MYO1D: variants seen among roughly 807,000 people sequenced by gnomAD.
MYO1D encodes the protein unconventional myosin-Id.
A neutral mutation model predicts 122.0 loss-of-function variants in MYO1D; 83 were observed. The ratio of observed to expected loss-of-function variants is 0.68; its 90% CI spans 0.57 to 0.82. The LOEUF is 0.82. MYO1D is among the 40% of genes least tolerant of loss of function. The pLI is 0.00. For synonymous variants in MYO1D, 464 were observed against 446.9 expected (o/e 1.04, Z -0.48); for missense variants, 1,157 against 1,269.5 (o/e 0.91, Z 1.35).
intron 1 of MYO1D, among the ~76,000 whole-genome samples, chr17:32,821,757 GAA>G (rs1360026066): frequency 3.3e-5 from 5 of 152,198 alleles, no homozygotes; most frequent in Admixed American, 6.5e-5. Context: ...AAAAGTGAAA[GAA>G]AGAGACAAAA....
chr17:32,665,048 G>A (rs1002540877), intron 16 of MYO1D, among the ~76,000 whole-genome samples: 5 of 152,122 alleles, frequency 3.3e-5, no homozygotes, highest in Non-Finnish European at 7.4e-5. Context: ...TTGTCTCAGG[G>A]CTTTTGTGCT....
At chr17:32,617,699 C>T (rs548632622) in intron 20 of MYO1D, among the ~76,000 whole-genome samples, 55 of 152,290 alleles carry the variant, frequency 3.6e-4, no homozygotes, top group African/African-American at 1.3e-3. Context: ...CTTCAGCCTC[C>T]CAAAGTGCTG....
At chr17:32,780,962 T>C (rs1046670967) in intron 1 of MYO1D, among the ~76,000 whole-genome samples, 178 bp from the exon 2 acceptor site, 1 of 152,174 alleles carries the variant, frequency 6.6e-6, no homozygotes, top group South Asian at 2.1e-4. Context: ...CCCCTTCAGA[T>C]GCCATTGGTA....
intron 1 of MYO1D, among the ~76,000 whole-genome samples, chr17:32,787,074 A>C (rs1189269133): frequency 6.6e-6 from 1 of 152,078 alleles, no homozygotes; most frequent in Non-Finnish European, 1.5e-5. Context: ...TAAAAGGAGA[A>C]ATTGTGTTTA....
At chr17:32,777,741 C>T (rs753670712) in intron 3 of MYO1D, among the ~76,000 whole-genome samples, 2 of 151,528 alleles carry the variant, frequency 1.3e-5, no homozygotes, top group Non-Finnish European at 2.9e-5. Context: ...GTCAGGAGAT[C>T]GAGACCACAG....
intron 21 of MYO1D, among the ~76,000 whole-genome samples, chr17:32,577,423 C>T (rs1331192059): frequency 6.6e-6 from 1 of 152,160 alleles, no homozygotes; most frequent in African/African-American, 2.4e-5. Flanking sequence ...TGAGCCACCA[C>T]ACCCTGCCAG....
chr17:32,627,790 T>A (rs1239362773), intron 20 of MYO1D: 2 of 152,136 alleles, frequency 1.3e-5, no homozygotes, highest in Non-Finnish European at 2.9e-5. Context: ...TAAGAAGAAT[T>A]CTAGCTGAGG....
At chr17:32,522,918 G>A (rs1023856159) in intron 21 of MYO1D, among the ~76,000 whole-genome samples, 4 of 150,028 alleles carry the variant, frequency 2.7e-5, no homozygotes, top group African/African-American at 7.5e-5. Flanking sequence ...CTGGGTTCAC[G>A]CCATTCTCCT....
chr17:32,817,852 C>T (rs1253135595), intron 1 of MYO1D, among the ~76,000 whole-genome samples: 1 of 152,080 alleles, frequency 6.6e-6, no homozygotes, highest in Non-Finnish European at 1.5e-5. Context: ...AGGGGCCGGG[C>T]GCGGTGGCTC....
rs551903751 is a variant in MYO1D, at chr17:32,669,901, T to C, written c.2122-10563A>G. Among the ~76,000 whole-genome samples, 238 of 149,474 alleles carry C rather than the reference T, an allele frequency of 1.6e-3. 4 individuals are homozygous for C. In the East Asian group the frequency reaches 0.021, roughly 13 times the overall value. On this transcript the variant is annotated intron_variant, in intron 16 of 21. Transcript: ENST00000318217. ...GGAAAGACATTTTCTTTTTCTTTTT[T>C]CTTTTTTTTCAGGTGGAGTCTCACT...
chr17:32,694,066 A>C (rs1417501071), intron 16 of MYO1D, among the ~76,000 whole-genome samples: 1 of 152,216 alleles, frequency 6.6e-6, no homozygotes, highest in African/African-American at 2.4e-5. Flanking sequence ...TAGTAATGCT[A>C]TTCTAATAGC....
chr17:32,827,596 T>A (rs574729195), intron 1 of MYO1D, among the ~76,000 whole-genome samples: 18 of 152,342 alleles, frequency 1.2e-4, no homozygotes, highest in African/African-American at 3.8e-4. Context: ...ATAAAAAAAT[T>A]AATAAGCATT....
Position 32,712,095 on chromosome 17 carries a change from C to T in MYO1D, c.2014G>A (p.Val672Ile). 1 of 1,614,132 alleles carries T rather than the reference C, an allele frequency of 6.2e-7. No individual in the cohort carries two copies. Among genetic ancestry groups the T allele is most frequent in the Non-Finnish European group, 8.5e-7 (1 of 1,180,006 alleles). The change falls in exon 16 of 22, where the codon GTA becomes ATA. Residue 672 changes from valine to isoleucine, a missense_variant. By Grantham distance (29) the Val-to-Ile change is conservative. Coordinates refer to ENST00000318217, the MANE Select transcript of MYO1D (RefSeq NM_015194.3). The part of the protein sequence containing the change: ...LIERCGFQDD[V>I]AYGKTKIFIR... ...AAAATTTTGGTCTTCCCATAAGCTA[C>T]ATCATCCTGAAAACCACACCGTTCA...
chr17:32,687,220 A>AG, intron 16 of MYO1D, among the ~76,000 whole-genome samples: 1 of 133,422 alleles, frequency 7.5e-6, no homozygotes, highest in Non-Finnish European at 1.6e-5. Context: ...TTTCTGAGAC[A>AG]GAGTCTCACT....
chr17:32,678,518 T>C (rs1179806319), intron 16 of MYO1D, among the ~76,000 whole-genome samples: 7 of 151,018 alleles, frequency 4.6e-5, no homozygotes, highest in African/African-American at 1.5e-4. Context: ...GTTTGGTTTT[T>C]TGTTCTTGCG....
At chr17:32,859,466 G>A (rs2091052340) in intron 1 of MYO1D, among the ~76,000 whole-genome samples, 1 of 152,144 alleles carries the variant, frequency 6.6e-6, no homozygotes, top group African/African-American at 2.4e-5. Flanking sequence ...GGCCCCTGTG[G>A]CTCCCCTTCC....
chr17:32,709,206 T>C (rs1433278425), intron 16 of MYO1D, among the ~76,000 whole-genome samples: 2 of 152,094 alleles, frequency 1.3e-5, no homozygotes, highest in Non-Finnish European at 2.9e-5. Context: ...CTGGAACACT[T>C]TGAGAGTAAA....
intron 1 of MYO1D, among the ~76,000 whole-genome samples, chr17:32,824,066 C>CAAAAAAA (rs58786179): frequency 4.3e-5 from 4 of 92,524 alleles, no homozygotes; most frequent in Admixed American, 1.2e-4. Flanking sequence ...GACTCCGTCT[C>CAAAAAAA]AAAAAAAAAA....
intron 21 of MYO1D, among the ~76,000 whole-genome samples, chr17:32,538,282 CTTT>C (rs67908958): frequency 2.0e-4 from 29 of 141,908 alleles, no homozygotes; most frequent in Non-Finnish European, 1.8e-4. Context: ...AATAAATCAT[CTTT>C]TTTTTTTTTT....
Sources: allele counts gnomAD v4.1 joint callset (sites outside exome capture counted in the v4.1 genomes callset), GRCh38; gene constraint gnomAD v4.1.1; transcripts MANE v1.5; gene names NCBI Gene and HGNC (gene_info 2026-07-23, HGNC 2026-07-21).